HMBOX1: variants seen among roughly 807,000 people sequenced by gnomAD.
HMBOX1 encodes homeobox-containing protein 1.
A neutral mutation model predicts 54.5 loss-of-function variants in HMBOX1; 14 were observed. The observed-to-expected ratio is 0.26, with a 90% CI of 0.17 to 0.40. HMBOX1 has a LOEUF of 0.40. Ranked by LOEUF, HMBOX1 falls within the 10% of genes least tolerant of loss-of-function variation. The pLI, the probability that HMBOX1 is intolerant of heterozygous loss-of-function variation, is 1.00. For synonymous variants in HMBOX1, 160 were observed against 181.0 expected, an observed-to-expected ratio of 0.88 and a Z score of 0.93; for missense variants, 332 against 514.4, an observed-to-expected ratio of 0.65 and a Z score of 3.43.
chr8:28,951,027 C>T (rs1048604346), intron 1 of HMBOX1, among the ~76,000 whole-genome samples: 3 of 152,158 alleles, frequency 2.0e-5, no homozygotes, highest in African/African-American at 7.2e-5. Context: ...ATGACAGTAG[C>T]CTGGAGCCTC....
chr8:28,987,214 T>A lies in HMBOX1; in HGVS notation c.586+7058T>A, dbSNP rs139186274. Reference sequence around the variant, plus strand: ...TGTAAAGGTTAGGCACAGATGTGGTTTTTCCCTCATTCAGTAATTATCATT... The same window carrying A: ...TGTAAAGGTTAGGCACAGATGTGGTATTTCCCTCATTCAGTAATTATCATT... On this transcript the variant is annotated intron_variant, in intron 4 of 9. Coordinates refer to ENST00000287701, the MANE Select transcript of HMBOX1 (RefSeq NM_001135726.3). Among the ~76,000 whole-genome samples, 7 of 152,320 alleles carry A rather than the reference T, an allele frequency of 4.6e-5. No individual in the cohort carries two copies. The East Asian group carries it at 1.2e-3, about 25-fold the overall frequency.
intron 1 of HMBOX1, among the ~76,000 whole-genome samples, chr8:28,920,717 T>C: frequency 6.6e-6 from 1 of 152,204 alleles, no homozygotes; most frequent in East Asian, 1.9e-4. Context: ...CTCAAGGTGG[T>C]GTAGAAGGAA....
chr8:29,011,680 T>G (rs1260131701), intron 5 of HMBOX1, among the ~76,000 whole-genome samples: 1 of 151,988 alleles, frequency 6.6e-6, no homozygotes, highest in Non-Finnish European at 1.5e-5. Context: ...GAGTCCAGCT[T>G]TAGCACTGGG....
intron 1 of HMBOX1, among the ~76,000 whole-genome samples, chr8:28,957,690 TC>T (rs2132204231): frequency 6.6e-6 from 1 of 152,210 alleles, no homozygotes; most frequent in East Asian, 1.9e-4. Flanking sequence ...TGGTACGATC[TC>T]GGCTCACTGT....
chr8:28,956,504 A>G (rs1563463183), intron 1 of HMBOX1, among the ~76,000 whole-genome samples: 6 of 152,072 alleles, frequency 3.9e-5, no homozygotes, highest in Non-Finnish European at 5.9e-5. Flanking sequence ...ATAATGTAAG[A>G]TAAAAATGCA....
chr8:28,948,660 G>C (rs1028115417), intron 1 of HMBOX1, among the ~76,000 whole-genome samples: 1 of 152,132 alleles, frequency 6.6e-6, no homozygotes, highest in African/African-American at 2.4e-5. Flanking sequence ...GTGCAAATTA[G>C]TGTAAGCACT....
At chr8:28,917,685 A>C (rs1352629259) in intron 1 of HMBOX1, among the ~76,000 whole-genome samples, 1 of 152,116 alleles carries the variant, frequency 6.6e-6, no homozygotes, top group East Asian at 1.9e-4. Flanking sequence ...TAGGGTTTTC[A>C]TGGATGCCAT....
chr8:28,936,791 C>G (rs1201474254), intron 1 of HMBOX1, among the ~76,000 whole-genome samples: 2 of 138,066 alleles, frequency 1.4e-5, no homozygotes, highest in African/African-American at 5.6e-5. Flanking sequence ...GCCACTGAAC[C>G]AGAGGGTTAA....
chr8:28,951,437 A>C (rs563707859), intron 1 of HMBOX1, among the ~76,000 whole-genome samples: 1 of 152,282 alleles, frequency 6.6e-6, no homozygotes, highest in East Asian at 1.9e-4. Flanking sequence ...GGCCCAAATA[A>C]TATTTTAGGA....
chr8:28,949,444 G>T (rs1432700303), intron 1 of HMBOX1, among the ~76,000 whole-genome samples: 1 of 152,182 alleles, frequency 6.6e-6, no homozygotes, highest in African/African-American at 2.4e-5. Flanking sequence ...CAAGAACAAA[G>T]CCTATTTATC....
At chr8:28,919,012 G>A (rs770121697) in intron 1 of HMBOX1, among the ~76,000 whole-genome samples, 8 of 152,176 alleles carry the variant, frequency 5.3e-5, no homozygotes, top group Non-Finnish European at 8.8e-5. Context: ...AGAAAACAGG[G>A]AAGTTCTTTT....
chr8:28,926,314 C>T (rs773204673), intron 1 of HMBOX1, among the ~76,000 whole-genome samples: 195 of 151,136 alleles, frequency 1.3e-3, no homozygotes, highest in Non-Finnish European at 1.7e-3. Flanking sequence ...TACACACACA[C>T]ACACACACAT....
intron 1 of HMBOX1, among the ~76,000 whole-genome samples, chr8:28,950,769 T>A (rs190049047): frequency 1.3e-4 from 20 of 152,340 alleles, no homozygotes; most frequent in African/African-American, 4.3e-4. Context: ...CTAGCATAGT[T>A]CAACAGAGTT....
intron 1 of HMBOX1, among the ~76,000 whole-genome samples, chr8:28,903,227 A>G (rs1004807361): frequency 3.3e-5 from 5 of 152,220 alleles, no homozygotes; most frequent in Non-Finnish European, 4.4e-5. Flanking sequence ...TTACAATTGA[A>G]TTTTGTCTTA....
chr8:29,013,309 T>C (rs2132895725), intron 5 of HMBOX1, among the ~76,000 whole-genome samples: 1 of 152,308 alleles, frequency 6.6e-6, no homozygotes, highest in South Asian at 2.1e-4. Context: ...CTGATTTTTG[T>C]GTTTTTAGTA....
chr8:28,977,833 A>G (rs962728769), intron 3 of HMBOX1, among the ~76,000 whole-genome samples: 1 of 151,544 alleles, frequency 6.6e-6, no homozygotes, highest in Admixed American at 6.6e-5. Flanking sequence ...AGTCCCAGCT[A>G]CTCGGGAGGC....
chr8:29,021,829 G>A (rs779542912), intron 6 of HMBOX1, among the ~76,000 whole-genome samples: 6 of 146,528 alleles, frequency 4.1e-5, no homozygotes, highest in Non-Finnish European at 8.9e-5. Flanking sequence ...CACTGCACTC[G>A]AGCCTGGGTG....
intron 4 of HMBOX1, among the ~76,000 whole-genome samples, chr8:29,006,332 T>C (rs914828395): frequency 2.0e-5 from 3 of 152,088 alleles, no homozygotes; most frequent in Non-Finnish European, 2.9e-5. Flanking sequence ...TTGTTTCACA[T>C]TGGGGGCTAT....
intron 1 of HMBOX1, among the ~76,000 whole-genome samples, chr8:28,955,690 G>A (rs1306382744): frequency 1.3e-5 from 2 of 152,046 alleles, no homozygotes; most frequent in African/African-American, 4.8e-5. Context: ...GGTGGCTCAC[G>A]CCTGTAATCC....
Sources: allele counts gnomAD v4.1 joint callset (sites outside exome capture counted in the v4.1 genomes callset), GRCh38; gene constraint gnomAD v4.1.1; transcripts MANE v1.5; gene names NCBI Gene and HGNC (gene_info 2026-07-23, HGNC 2026-07-21).